The following RASSF3 variants were observed in gnomAD, a reference collection of about 807,000 sequenced individuals.
The protein encoded by RASSF3 is ras association domain-containing protein 3.
A neutral mutation model predicts 19.9 loss-of-function variants in RASSF3; 19 were observed. The observed-to-expected ratio is 0.96, with a 90% confidence interval of 0.67 to 1.40. The LOEUF (loss-of-function observed/expected upper bound fraction) is 1.40, where lower values mean the gene tolerates loss of function less well. Among genes scored for constraint, RASSF3 ranks in the 40% most tolerant of loss-of-function variants. The pLI is 0.00. For synonymous variants in RASSF3, 110 were observed against 104.2 expected, an observed-to-expected ratio of 1.06 and a Z score of -0.34; for missense variants, 306 against 289.8, an observed-to-expected ratio of 1.06 and a Z score of -0.41.
chr12:64,536,489 A>C (rs111864415), intron 1 of RASSF3, among the ~76,000 whole-genome samples: 39 of 152,330 alleles, frequency 2.6e-4, no homozygotes, highest in Admixed American at 2.0e-4. Context: ...ACCAGCACAC[A>C]GCTCTCTAAT....
At chr12:64,642,867 T>TTC (rs1871593155) in intron 1 of RASSF3, among the ~76,000 whole-genome samples, 1 of 147,162 alleles carries the variant, frequency 6.8e-6, no homozygotes. Context: ...CTTTCTTTCT[T>TTC]TTTTTTTTTT....
chr12:64,577,163 C>T (rs915852532), intron 2 of RASSF3, among the ~76,000 whole-genome samples: 1 of 152,108 alleles, frequency 6.6e-6, no homozygotes, highest in Non-Finnish European at 1.5e-5. Context: ...GGTTGTTAAA[C>T]GCTACTCGGC....
chr12:64,575,320 A>G (rs994885513), intron 2 of RASSF3, among the ~76,000 whole-genome samples: 24 of 152,272 alleles, frequency 1.6e-4, no homozygotes, highest in African/African-American at 5.3e-4. Flanking sequence ...TTGGGAGGCC[A>G]AGGCGGGCAG....
intron 2 of RASSF3, among the ~76,000 whole-genome samples, chr12:64,567,131 G>A (rs1869445238): frequency 6.6e-6 from 1 of 152,234 alleles, no homozygotes. Context: ...ACCTGTTGCA[G>A]GAGCCAGGCT....
At chr12:64,682,379 G>A (rs944480025) in intron 1 of RASSF3, among the ~76,000 whole-genome samples, 8 of 152,038 alleles carry the variant, frequency 5.3e-5, no homozygotes, top group African/African-American at 1.9e-4. Context: ...AGACCATCCT[G>A]GCTAATACGG....
intron 1 of RASSF3, among the ~76,000 whole-genome samples, chr12:64,634,935 C>G (rs1177113842): frequency 6.7e-6 from 1 of 150,248 alleles, no homozygotes; most frequent in African/African-American, 2.4e-5. Flanking sequence ...CAAATCCATG[C>G]ATAGTTTCTT....
At chr12:64,676,848 A>G (rs903120707) in intron 1 of RASSF3, among the ~76,000 whole-genome samples, 14 of 150,970 alleles carry the variant, frequency 9.3e-5, no homozygotes, top group Non-Finnish European at 1.3e-4. Flanking sequence ...GGCTCACTGT[A>G]ACCTCCATCT....
chr12:64,636,865 CAAAAA>C (rs762865541), intron 1 of RASSF3, among the ~76,000 whole-genome samples: 1 of 63,520 alleles, frequency 1.6e-5, no homozygotes. Context: ...AACTCCGTCT[CAAAAA>C]AAAAAAAAAA....
chr12:64,622,852 G>A (rs1870833226), intron 1 of RASSF3, among the ~76,000 whole-genome samples: 1 of 147,796 alleles, frequency 6.8e-6, no homozygotes, highest in Non-Finnish European at 1.5e-5. Flanking sequence ...ATGGAGTCTT[G>A]CTCTGTTGCC....
chr12:64,646,552 A>G (rs1323289565), intron 1 of RASSF3, among the ~76,000 whole-genome samples: 1 of 152,226 alleles, frequency 6.6e-6, no homozygotes, highest in Non-Finnish European at 1.5e-5. Flanking sequence ...TATTTCAATG[A>G]CAACCAAAAA....
chr12:64,601,083 C>T (rs1565846821), intron 2 of RASSF3, among the ~76,000 whole-genome samples: 2 of 152,018 alleles, frequency 1.3e-5, no homozygotes, highest in African/African-American at 2.4e-5. Flanking sequence ...AGCTCAGTAG[C>T]TTGAGACCAG....
intron 1 of RASSF3, among the ~76,000 whole-genome samples, chr12:64,525,378 A>G (rs1868562741): frequency 6.6e-6 from 1 of 152,218 alleles, no homozygotes; most frequent in Non-Finnish European, 1.5e-5. Context: ...ATCTGGTTTC[A>G]AGATTGTGGG....
At chr12:64,632,295 A>T (rs1365936602) in intron 1 of RASSF3, among the ~76,000 whole-genome samples, 2 of 152,062 alleles carry the variant, frequency 1.3e-5, no homozygotes, top group Admixed American at 6.6e-5. Context: ...GAAAGGAGGG[A>T]GGGTTGGCAG....
chr12:64,580,575 A>AACAC (rs201737911), intron 2 of RASSF3, among the ~76,000 whole-genome samples: 12,396 of 141,288 alleles, frequency 0.088, 515 homozygotes, highest in African/African-American at 0.096. Context: ...TTTTTAGGAA[A>AACAC]ACACACACAC....
chr12:64,559,105 G>A (rs1346596317), intron 2 of RASSF3, among the ~76,000 whole-genome samples: 1 of 152,156 alleles, frequency 6.6e-6, no homozygotes, highest in Non-Finnish European at 1.5e-5. Flanking sequence ...CTCTGCTACT[G>A]TCACTTCTGC....
chr12:64,580,579 C>T (rs1279298317), intron 2 of RASSF3, among the ~76,000 whole-genome samples: 1 of 144,084 alleles, frequency 6.9e-6, no homozygotes, highest in African/African-American at 2.8e-5. Context: ...TAGGAAAACA[C>T]ACACACACAC....
intron 1 of RASSF3, among the ~76,000 whole-genome samples, chr12:64,523,579 G>A (rs1868522909): frequency 6.6e-6 from 1 of 152,118 alleles, no homozygotes; most frequent in Admixed American, 6.5e-5. Context: ...ATATGATCCA[G>A]AGTTGTTTGC....
At chr12:64,516,650 T>C (rs1165443387) in intron 1 of RASSF3, among the ~76,000 whole-genome samples, 2 of 148,738 alleles carry the variant, frequency 1.3e-5, no homozygotes, top group Admixed American at 6.7e-5. Flanking sequence ...ACTGGCATTA[T>C]TTACTCCCAA....
At chr12:64,685,217 A>G (rs1372058098) in intron 2 of RASSF3, among the ~76,000 whole-genome samples, 1 of 152,058 alleles carries the variant, frequency 6.6e-6, no homozygotes, top group Non-Finnish European at 1.5e-5. Flanking sequence ...ATGGTGACTC[A>G]GATTCTAAGA....
Sources: gnomAD v4.1 joint callset for allele counts (sites outside exome capture counted in the v4.1 genomes callset) on GRCh38, gnomAD v4.1.1 for gene constraint, MANE v1.5 for transcripts, NCBI Gene and HGNC (gene_info 2026-07-23, HGNC 2026-07-21) for gene names.